Variants in CFTR observed in about 807,000 individuals in gnomAD.
CFTR encodes the protein CF transmembrane conductance regulator, also known as cystic fibrosis transmembrane conductance regulator.
CFTR carries 181 observed loss-of-function variants against 171.6 expected under a neutral mutation model. That is an observed-to-expected ratio of 1.05 (90% confidence interval 0.93 to 1.19). The LOEUF is 1.19. CFTR is among the 50% of genes most tolerant of loss of function. The pLI, the probability that CFTR is intolerant of heterozygous loss-of-function variation, is 0.00. For synonymous variants in CFTR, 583 were observed against 608.0 expected (o/e 0.96, Z 0.60); for missense variants, 1,968 against 1,734.7 (o/e 1.13, Z -2.39).
intron 3 of CFTR, among the ~76,000 whole-genome samples, chr7:117,518,122 A>G (rs966361959): frequency 1.3e-5 from 2 of 151,872 alleles, no homozygotes; most frequent in African/African-American, 2.4e-5. Context: ...TGCTCTCTCT[A>G]TATATGGAAC....
chr7:117,493,906 A>T lies in CFTR; in HGVS notation c.54-10347A>T, dbSNP rs1215829386. Among the ~76,000 whole-genome samples, 3 of 152,128 alleles carry T rather than the reference A, an allele frequency of 2.0e-5. No homozygotes were observed. In the East Asian group the frequency reaches 5.8e-4, roughly 29 times the overall value. ...TGTTCTTTGAATCCTTCTGAGAAAT[A>T]ATCATGTGTAGCCATAACATACCTG... On this transcript the variant is annotated intron_variant, in intron 1 of 26. Coordinates refer to ENST00000003084, the MANE Select transcript of CFTR (RefSeq NM_000492.4).
At chr7:117,652,802 A>G in intron 23 of CFTR, 40 bp from the exon 24 acceptor site, 1 of 972,138 alleles carries the variant, frequency 1.0e-6, no homozygotes, top group South Asian at 1.4e-5. Context: ...AAGTTATTTA[A>G]GTTATTCATA....
chr7:117,493,793 G>A (rs1335625587), intron 1 of CFTR, among the ~76,000 whole-genome samples: 2 of 151,988 alleles, frequency 1.3e-5, no homozygotes, highest in African/African-American at 4.8e-5. Context: ...AGAAAAAAGG[G>A]TTAAAATGCC....
At chr7:117,639,442 G>A (rs1054576777) in intron 22 of CFTR, among the ~76,000 whole-genome samples, 9 of 151,974 alleles carry the variant, frequency 5.9e-5, no homozygotes, top group African/African-American at 2.2e-4. Context: ...TGCCTACTGG[G>A]AACTTAATTT....
intron 1 of CFTR, among the ~76,000 whole-genome samples, chr7:117,480,540 C>T (rs577910670): frequency 1.3e-3 from 200 of 152,238 alleles, no homozygotes; most frequent in African/African-American, 4.7e-3. Context: ...ATACAGGTGC[C>T]ATGCCTGCAT....
intron 15 of CFTR, among the ~76,000 whole-genome samples, chr7:117,597,267 C>T (rs985312463): frequency 1.3e-5 from 2 of 152,116 alleles, no homozygotes; most frequent in Non-Finnish European, 2.9e-5. Context: ...CTAACACATC[C>T]GAACATCAGA....
At chr7:117,630,814 T>C (rs190331576) in intron 22 of CFTR, among the ~76,000 whole-genome samples, 2 of 152,150 alleles carry the variant, frequency 1.3e-5, no homozygotes, top group East Asian at 3.9e-4. Flanking sequence ...CCCTTTTATT[T>C]TCTTATCTGC....
chr7:117,529,780 C>G (rs1221875816), intron 3 of CFTR, among the ~76,000 whole-genome samples: 3 of 152,010 alleles, frequency 2.0e-5, no homozygotes, highest in Non-Finnish European at 1.5e-5. Context: ...ACAAAAACCC[C>G]TCAAATTAAG....
intron 11 of CFTR, among the ~76,000 whole-genome samples, chr7:117,582,114 C>G (rs1255466921): frequency 6.6e-6 from 1 of 152,068 alleles, no homozygotes; most frequent in Admixed American, 6.6e-5. Flanking sequence ...TATCTCATTG[C>G]TTTATATTTA....
chr7:117,590,933 T>C (rs539525794), intron 13 of CFTR, among the ~76,000 whole-genome samples: 1 of 152,038 alleles, frequency 6.6e-6, no homozygotes, highest in Admixed American at 6.5e-5. Context: ...TCAGGACTTA[T>C]ATTTCCTTGG....
chr7:117,504,866 T>C (rs1022884860), intron 2 of CFTR, among the ~76,000 whole-genome samples: 4 of 152,172 alleles, frequency 2.6e-5, no homozygotes, highest in African/African-American at 7.2e-5. Flanking sequence ...GAAATGATTT[T>C]TTTTCCTGAA....
chr7:117,500,658 ACT>A (rs1186167746), intron 1 of CFTR, among the ~76,000 whole-genome samples: 1 of 151,842 alleles, frequency 6.6e-6, no homozygotes, highest in Non-Finnish European at 1.5e-5. Flanking sequence ...CCTTAAGATG[ACT>A]CTGTGGTCAT....
rs1279605703 is a variant in CFTR, at chr7:117,592,651, C to A, written c.2484C>A (p.Asp828Glu). The change falls in exon 14 of 27, where the codon GAC becomes GAA. Residue 828 changes from aspartate to glutamate, a missense_variant. Coordinates refer to ENST00000003084, the MANE Select transcript of CFTR (RefSeq NM_000492.4). The part of the protein sequence containing the change: ...LEISEEINEE[D>E]LKECFFDDME... Reference sequence around the variant, plus strand: ...TAAGTGAAGAAATTAACGAAGAAGACTTAAAGGTAGGTATACATCGCTTGG... The same window carrying A: ...TAAGTGAAGAAATTAACGAAGAAGAATTAAAGGTAGGTATACATCGCTTGG... 1 of 1,543,090 alleles carries A rather than the reference C, an allele frequency of 6.5e-7. No homozygotes were observed. Among genetic ancestry groups the A allele is most frequent in the East Asian group, 2.3e-5 (1 of 44,348 alleles).
chr7:117,523,995 CT>C (rs1173564154), intron 3 of CFTR, among the ~76,000 whole-genome samples: 2 of 152,036 alleles, frequency 1.3e-5, no homozygotes, highest in Non-Finnish European at 2.9e-5. Context: ...ACACAAGTTA[CT>C]TTTTAAAATA....
At position 117,656,524 on chromosome 7, in the gene CFTR, A is replaced by C. The variant is rs559238235; in HGVS notation, c.3963+3593A>C. Among the ~76,000 whole-genome samples, 5 of 152,292 alleles carry C rather than the reference A, an allele frequency of 3.3e-5. No individual in the cohort carries two copies. In the East Asian group the frequency reaches 5.8e-4, roughly 18 times the overall value. On this transcript the variant is annotated intron_variant, in intron 24 of 26. Coordinates refer to ENST00000003084, the MANE Select transcript of CFTR (RefSeq NM_000492.4). ...AAATAACACCTTATGTTTATCCAAC[A>C]GGTGGTTCATTATACTTGAGAGCAT...
Position 117,667,415 on chromosome 7 carries a change from A to G in CFTR, c.*307A>G, listed in dbSNP as rs1793403658. The G allele has an allele frequency of 2.6e-6, 1 of 384,596 alleles. No individual in the cohort carries two copies. The highest frequency in any genetic ancestry group is 2.1e-5 in the African/African-American group (1 of 48,026). The allele number at this position is 384,596 out of a possible 1,614,324, so 23.8% of individuals were successfully genotyped here. On this transcript the variant is annotated 3_prime_UTR_variant, in exon 27 of 27. Transcript: ENST00000003084. ...CCTTGCCATGTGCTAGTAATTGGAA[A>G]GGCAGCTCTAAATGTCAATCAGCCT...
chr7:117,591,883 T>C, intron 13 of CFTR, 51 bp from the exon 14 acceptor site: 6 of 1,151,802 alleles, frequency 5.2e-6, no homozygotes, highest in Non-Finnish European at 7.4e-6. Flanking sequence ...CGAGACATAT[T>C]GCAATAAAGT....
At chr7:117,485,658 T>C (rs1334322986) in intron 1 of CFTR, among the ~76,000 whole-genome samples, 1 of 152,156 alleles carries the variant, frequency 6.6e-6, no homozygotes, top group Non-Finnish European at 1.5e-5. Flanking sequence ...GATTGCTTGA[T>C]GTAGAGAATT....
chr7:117,536,950 A>G (rs1024466928), intron 7 of CFTR, among the ~76,000 whole-genome samples: 1 of 152,166 alleles, frequency 6.6e-6, no homozygotes, highest in Non-Finnish European at 1.5e-5. Flanking sequence ...TGCTCAATAC[A>G]TTTATTTCGT....
Sources: allele counts gnomAD v4.1 joint callset (sites outside exome capture counted in the v4.1 genomes callset), GRCh38; gene constraint gnomAD v4.1.1; transcripts MANE v1.5; gene names NCBI Gene and HGNC (gene_info 2026-07-23, HGNC 2026-07-21).